The following GARRE1 variants were observed in gnomAD, a reference collection of about 807,000 sequenced individuals.
The protein encoded by GARRE1 is granule associated Rac and RHOG effector 1.
A neutral mutation model predicts 103.2 loss-of-function variants in GARRE1; 49 were observed. The observed-to-expected ratio is 0.47, with a 90% CI of 0.38 to 0.60. The LOEUF is 0.60. Ranked by LOEUF, GARRE1 falls within the 20% of genes least tolerant of loss-of-function variation. The pLI, the probability that GARRE1 is intolerant of heterozygous loss-of-function variation, is 0.00. For synonymous variants in GARRE1, 505 were observed against 532.8 expected (o/e 0.95, Z 0.72); for missense variants, 1,199 against 1,370.5 (o/e 0.87, Z 1.98).
chr19:34,337,559 A>T (rs2074166969), intron 8 of GARRE1, among the ~76,000 whole-genome samples: 1 of 152,080 alleles, frequency 6.6e-6, no homozygotes, highest in Admixed American at 6.5e-5. Flanking sequence ...ATGGAAGGAG[A>T]TGTGCTAGGT....
chr19:34,255,163 G>C (rs2073663784), intron 1 of GARRE1, among the ~76,000 whole-genome samples: 1 of 129,734 alleles, frequency 7.7e-6, no homozygotes, highest in African/African-American at 3.0e-5. Context: ...TGCGGAGCCA[G>C]CTGGCGCATT....
chr19:34,319,835 C>A, intron 2 of GARRE1, 72 bp from the exon 3 acceptor site: 1 of 1,287,310 alleles, frequency 7.8e-7, no homozygotes, highest in South Asian at 1.2e-5. Context: ...TCAAGTTGGT[C>A]ATTGAAAATT....
Position 34,286,565 on chromosome 19 carries a change from CTG to C in GARRE1, c.-795-13112_-795-13111del, listed in dbSNP as rs546948983. 2.6e-4 allele frequency among the ~76,000 whole-genome samples: 37 copies of C among 141,706 alleles called. No homozygotes were observed. In the East Asian group the frequency reaches 6.8e-3, roughly 26 times the overall value. The allele number at this position is 141,706 out of a possible 152,430, so 93.0% of individuals were successfully genotyped here. A position where few individuals can be genotyped will look rare whatever the true frequency, so the allele number is the denominator to read the frequency against. ...TTTTTTTTTGAGACGGAGTCTGGCT[CTG>C]TCGCCCAGGCTGGAGTGCAGTGGCA... On this transcript the variant is annotated intron_variant, in intron 1 of 13. Transcript: ENST00000299505.
At chr19:34,352,444 CAT>C (rs1246961109) in intron 13 of GARRE1, among the ~76,000 whole-genome samples, 10 of 151,232 alleles carry the variant, frequency 6.6e-5, no homozygotes, top group Admixed American at 6.6e-4. Context: ...GCACTAGTCA[CAT>C]GTGGCGAGTG....
chr19:34,278,681 A>AT lies in GARRE1; in HGVS notation c.-795-20986dup, dbSNP rs573222305. On this transcript the variant is annotated intron_variant, in intron 1 of 13. Coordinates refer to ENST00000299505, the MANE Select transcript of GARRE1 (RefSeq NM_014686.5). The stretch of plus-strand genomic sequence containing the variant: ...CATGTTATTAGAATTTCCTTCATTA[A>AT]TTTTTTTTTTTTATTGACAGGGTCT... 2.4e-3 allele frequency among the ~76,000 whole-genome samples: 344 copies of AT among 145,364 alleles called. 3 individuals are homozygous for AT. The highest frequency in any genetic ancestry group is 0.017 in the South Asian group (77 of 4,638).
intron 12 of GARRE1, among the ~76,000 whole-genome samples, chr19:34,350,096 T>C (rs1394973667): frequency 6.6e-6 from 1 of 152,124 alleles, no homozygotes; most frequent in East Asian, 1.9e-4. Context: ...TTAGGCTAGG[T>C]GCTCTGAAGG....
intron 12 of GARRE1, among the ~76,000 whole-genome samples, chr19:34,351,221 AT>A (rs2074235241): frequency 3.3e-5 from 5 of 150,220 alleles, no homozygotes; most frequent in Non-Finnish European, 5.9e-5. Context: ...AAATAAAATA[AT>A]AATAATAATA....
intron 1 of GARRE1, among the ~76,000 whole-genome samples, chr19:34,265,144 G>A (rs1323878010): frequency 6.6e-6 from 1 of 152,108 alleles, no homozygotes; most frequent in Non-Finnish European, 1.5e-5. Flanking sequence ...AATGATTTTG[G>A]GATTAAGTAC....
chr19:34,323,436 A>G (rs940590663), intron 3 of GARRE1, among the ~76,000 whole-genome samples: 1 of 152,132 alleles, frequency 6.6e-6, no homozygotes, highest in African/African-American at 2.4e-5. Flanking sequence ...TTTCAATTTC[A>G]TGCCATTTGC....
Position 34,341,523 on chromosome 19 carries a change from G to A in GARRE1, c.1589G>A (p.Gly530Asp). 6.2e-7 allele frequency: 1 copy of A among 1,613,916 alleles called. No homozygotes were observed. Among genetic ancestry groups the A allele is most frequent in the Non-Finnish European group, 8.5e-7 (1 of 1,179,990 alleles). ...TCTGGAAATGGAAACAAATCTTCAG[G>A]TGGCCTGCAGAAGACATTCTCCAAA... ...LPSGNGNKSS[G>D]GLQKTFSKLT... The change falls in exon 10 of 14, where the codon GGT becomes GAT. Residue 530 changes from glycine (G) to aspartate (D), a missense_variant. By Grantham distance (94) the Gly-to-Asp change is moderately conservative. Transcript: ENST00000299505.
chr19:34,348,887 G>A, intron 11 of GARRE1, 129 bp from the exon 12 acceptor site: 2 of 1,040,464 alleles, frequency 1.9e-6, no homozygotes, highest in Non-Finnish European at 2.8e-6. Context: ...CACGTTTTAA[G>A]AAGGGAGAGA....
chr19:34,341,740 C>T lies in GARRE1; in HGVS notation c.1806C>T (p.Asp602=). The T allele has an allele frequency of 6.2e-7, 1 of 1,614,206 alleles. No individual in the cohort carries two copies. The highest frequency in any genetic ancestry group is 8.5e-7 in the Non-Finnish European group (1 of 1,180,032). Residue 602 remains aspartate (D), a synonymous_variant, in exon 10 of 14, where the codon GAC becomes GAT. Transcript: ENST00000299505. ...LNIGNFPRTT[D]PSQSAQNSSN... ...TTGGTAATTTCCCCAGGACTACAGA[C>T]CCTTCACAGTCAGCTCAGAATTCCA...
At chr19:34,256,932 T>A (rs2073676869) in intron 1 of GARRE1, among the ~76,000 whole-genome samples, 1 of 152,214 alleles carries the variant, frequency 6.6e-6, no homozygotes, top group African/African-American at 2.4e-5. Flanking sequence ...TGCCGTTTCA[T>A]TTGCTTTCTT....
At position 34,300,446 on chromosome 19, in the gene GARRE1, C is replaced by T. The variant is rs777949055; in HGVS notation, c.-28C>T. 5 of 1,524,372 alleles carry T rather than the reference C, an allele frequency of 3.3e-6. No individual in the cohort carries two copies. Among genetic ancestry groups the T allele is most frequent in the East Asian group, 2.3e-5 (1 of 43,850 alleles). The allele number at this position is 1,524,372 out of a possible 1,614,324, so 94.4% of individuals were successfully genotyped here. The stretch of plus-strand genomic sequence containing the variant: ...AAGAATCAGAACCCTGACCCACTTA[C>T]GGTTGCTGGGACAATTCCCCCTCCC... On this transcript the variant is annotated 5_prime_UTR_variant, in exon 2 of 14. It adds an upstream start codon to the 5' untranslated region. Coordinates refer to ENST00000299505, the MANE Select transcript of GARRE1 (RefSeq NM_014686.5).
At chr19:34,352,227 T>C (rs1010201050) in intron 13 of GARRE1, among the ~76,000 whole-genome samples, 1 of 151,224 alleles carries the variant, frequency 6.6e-6, no homozygotes, top group Non-Finnish European at 1.5e-5. Flanking sequence ...CACGGTGAAA[T>C]CCCATCTCTA....
chr19:34,306,845 A>G (rs2074009444), intron 2 of GARRE1, among the ~76,000 whole-genome samples: 1 of 152,152 alleles, frequency 6.6e-6, no homozygotes, highest in Non-Finnish European at 1.5e-5. Flanking sequence ...ATACTACTCC[A>G]GCATGTCGAT....
chr19:34,257,944 C>T (rs1237125331), intron 1 of GARRE1, among the ~76,000 whole-genome samples: 1 of 146,316 alleles, frequency 6.8e-6, no homozygotes, highest in Non-Finnish European at 1.5e-5. Flanking sequence ...GACTGGAGTG[C>T]AGTGGCTCGG....
At chr19:34,323,435 C>T (rs1222537980) in intron 3 of GARRE1, among the ~76,000 whole-genome samples, 2 of 152,180 alleles carry the variant, frequency 1.3e-5, no homozygotes, top group African/African-American at 4.8e-5. Context: ...ATTTCAATTT[C>T]ATGCCATTTG....
chr19:34,299,084 T>C (rs975201690), intron 1 of GARRE1, among the ~76,000 whole-genome samples: 1 of 152,242 alleles, frequency 6.6e-6, no homozygotes, highest in African/African-American at 2.4e-5. Context: ...CACCCTGCAC[T>C]TAAGCCCAGC....
Sources: allele counts gnomAD v4.1 joint callset (sites outside exome capture counted in the v4.1 genomes callset), GRCh38; gene constraint gnomAD v4.1.1; transcripts MANE v1.5; gene names NCBI Gene and HGNC (gene_info 2026-07-23, HGNC 2026-07-21).